Variants in ERICH3 observed in about 807,000 individuals in gnomAD.
ERICH3 encodes glutamate-rich protein 3.
ERICH3 carries 126 observed loss-of-function variants against 131.1 expected under a neutral mutation model. The observed-to-expected ratio is 0.96, with a 90% CI of 0.83 to 1.11. The LOEUF (loss-of-function observed/expected upper bound fraction) is 1.11, where lower values mean the gene tolerates loss of function less well. Ranked by LOEUF, ERICH3 falls within the 50% of genes most tolerant of loss-of-function variation. The pLI is 0.00. For synonymous variants in ERICH3, 695 were observed against 644.6 expected (o/e 1.08, Z -1.18); for missense variants, 2,050 against 1,810.7 (o/e 1.13, Z -2.40).
chr1:74,659,355 C>T (rs2100652150), intron 1 of ERICH3, among the ~76,000 whole-genome samples: 1 of 152,190 alleles, frequency 6.6e-6, no homozygotes, highest in Middle Eastern at 3.4e-3. Context: ...TGTGCCTGTG[C>T]ACACACATGC....
chr1:74,620,053 G>T (rs1570880154), intron 8 of ERICH3, among the ~76,000 whole-genome samples: 1 of 152,118 alleles, frequency 6.6e-6, no homozygotes, highest in East Asian at 1.9e-4. Flanking sequence ...TAGTAAAAAT[G>T]CTATTACTTT....
chr1:74,599,257 T>G (rs1374015974), intron 11 of ERICH3, among the ~76,000 whole-genome samples: 2 of 151,974 alleles, frequency 1.3e-5, no homozygotes, highest in Admixed American at 1.3e-4. Context: ...CTTTACATTC[T>G]AAAATAGTTA....
At chr1:74,609,659 A>C (rs1295903699) in intron 9 of ERICH3, among the ~76,000 whole-genome samples, 3 of 152,070 alleles carry the variant, frequency 2.0e-5, no homozygotes, top group Non-Finnish European at 4.4e-5. Context: ...GACCTGCAAC[A>C]GGGAGACATC....
At chr1:74,576,081 A>G (rs1419389488) in intron 13 of ERICH3, among the ~76,000 whole-genome samples, 1 of 152,216 alleles carries the variant, frequency 6.6e-6, no homozygotes, top group Non-Finnish European at 1.5e-5. Flanking sequence ...CCATTTACTA[A>G]TTGTATAAAC....
chr1:74,646,687 GA>G lies in ERICH3; in HGVS notation c.222del (p.His75IlefsTer14). ...YIRECLAQAIFHKVLDMERYH... is the reference protein window; with the variant it reads ...YIRECLAQAIXHKVLDMERYH... Reference sequence around the variant, plus strand: ...TTTACCTCCATATCAAGAACTTTATGAAAAATTGCCTGGGCTAAGCATTCCC... The same window carrying G: ...TTTACCTCCATATCAAGAACTTTATGAAAATTGCCTGGGCTAAGCATTCCC... On this transcript the variant is annotated frameshift_variant, in exon 3 of 15. Coordinates refer to ENST00000326665, the MANE Select transcript of ERICH3 (RefSeq NM_001002912.5). LOFTEE classifies it high-confidence loss of function. 1.4e-6 allele frequency: 2 copies of G among 1,415,794 alleles called. No homozygotes were observed. Among genetic ancestry groups the G allele is most frequent in the Admixed American group, 2.2e-5 (1 of 45,512 alleles). The allele number at this position is 1,415,794 out of a possible 1,614,324, so 87.7% of individuals were successfully genotyped here.
At chr1:74,587,533 T>C (rs934747210) in intron 12 of ERICH3, among the ~76,000 whole-genome samples, 9 of 151,974 alleles carry the variant, frequency 5.9e-5, no homozygotes, top group African/African-American at 1.2e-4. Context: ...AAAAAAAAAC[T>C]ACTGTCTTCC....
intron 11 of ERICH3, among the ~76,000 whole-genome samples, chr1:74,597,349 T>G (rs1282268545): frequency 6.6e-6 from 1 of 152,010 alleles, no homozygotes; most frequent in Non-Finnish European, 1.5e-5. Flanking sequence ...AGATTTGATT[T>G]CAGAATGACA....
chr1:74,591,640 C>T (rs576000981), intron 11 of ERICH3, among the ~76,000 whole-genome samples: 20 of 152,092 alleles, frequency 1.3e-4, no homozygotes, highest in Non-Finnish European at 2.4e-4. Context: ...TAGAAACTTA[C>T]GGTAGCCACA....
rs531257029 is a variant in ERICH3 at position 74,627,914 on chromosome 1, A to T, written c.819+3799T>A. On this transcript the variant is annotated intron_variant, in intron 7 of 14. Transcript: ENST00000326665. The stretch of plus-strand genomic sequence containing the variant: ...AAATACACACAAATCTGTTATAAAA[A>T]GTTAAGATTTATGAAAACTTACACA... 3.9e-5 allele frequency among the ~76,000 whole-genome samples: 6 copies of T among 152,302 alleles called. No homozygotes were observed. The East Asian group carries it at 1.2e-3, about 29-fold the overall frequency.
chr1:74,652,242 A>G (rs1416503425), intron 1 of ERICH3, among the ~76,000 whole-genome samples: 2 of 151,948 alleles, frequency 1.3e-5, no homozygotes, highest in African/African-American at 4.8e-5. Flanking sequence ...GATTTGGTAA[A>G]ATGGTCAATT....
chr1:74,588,570 T>A (rs536962856), intron 12 of ERICH3, among the ~76,000 whole-genome samples: 1 of 152,286 alleles, frequency 6.6e-6, no homozygotes, highest in Admixed American at 6.5e-5. Flanking sequence ...CGCAGCTGAA[T>A]TTTAGTAATA....
chr1:74,649,325 A>C lies in ERICH3; in HGVS notation c.24-10T>G, dbSNP rs1345627613. 1 of 1,601,998 alleles carries C rather than the reference A, an allele frequency of 6.2e-7. No individual in the cohort carries two copies. The highest frequency in any genetic ancestry group is 2.2e-5 in the East Asian group (1 of 44,786). On this transcript the variant is annotated splice_polypyrimidine_tract_variant and intron_variant, in intron 1 of 14. Transcript: ENST00000326665. ...ATATGCAGCAAGTAACCTAAAATAC[A>C]AAAATAAAACCAATAAGCTTTTACA...
At chr1:74,643,699 T>C (rs1452825844) in intron 3 of ERICH3, among the ~76,000 whole-genome samples, 2 of 152,124 alleles carry the variant, frequency 1.3e-5, no homozygotes, top group African/African-American at 2.4e-5. Context: ...ACAACTCTAA[T>C]TGCCAAGCCA....
chr1:74,637,615 T>C (rs1459392142), intron 5 of ERICH3, among the ~76,000 whole-genome samples: 1 of 152,110 alleles, frequency 6.6e-6, no homozygotes, highest in African/African-American at 2.4e-5. Flanking sequence ...ATATTGTTAG[T>C]TTAGTATAAA....
At chr1:74,573,598 T>C (rs948931893) in intron 13 of ERICH3, 107 bp from the exon 14 acceptor site, 3 of 1,261,102 alleles carry the variant, frequency 2.4e-6, no homozygotes, top group Non-Finnish European at 3.0e-6. Flanking sequence ...TATTTATATG[T>C]GATATCAAGA....
At chr1:74,598,666 C>T (rs930669919) in intron 11 of ERICH3, among the ~76,000 whole-genome samples, 1 of 151,742 alleles carries the variant, frequency 6.6e-6, no homozygotes, top group Non-Finnish European at 1.5e-5. Context: ...AGGAAAGATG[C>T]TCAACCCACC....
At chr1:74,662,361 G>T (rs1408132255) in intron 1 of ERICH3, among the ~76,000 whole-genome samples, 1 of 152,072 alleles carries the variant, frequency 6.6e-6, no homozygotes, top group Non-Finnish European at 1.5e-5. Flanking sequence ...TGGGAAAGAA[G>T]ATTTTAAAAG....
intron 1 of ERICH3, among the ~76,000 whole-genome samples, chr1:74,665,829 A>G (rs1646686912): frequency 6.6e-6 from 1 of 152,090 alleles, no homozygotes; most frequent in Admixed American, 6.6e-5. Context: ...GAGGGTTAGG[A>G]CTTCAACATA....
intron 12 of ERICH3, chr1:74,589,269 T>G (rs1395351671): frequency 2.8e-6 from 1 of 360,830 alleles, no homozygotes; most frequent in Non-Finnish European, 5.0e-6. Flanking sequence ...ACTCCATATA[T>G]AGCTAAAAAC....
Sources: allele counts gnomAD v4.1 joint callset (sites outside exome capture counted in the v4.1 genomes callset), GRCh38; gene constraint gnomAD v4.1.1; transcripts MANE v1.5; gene names NCBI Gene and HGNC (gene_info 2026-07-23, HGNC 2026-07-21).